Variants in PRCP observed in about 807,000 individuals in gnomAD.
PRCP encodes the protein prolylcarboxypeptidase, also known as lysosomal Pro-X carboxypeptidase.
Under a neutral mutation model 54.2 loss-of-function variants are expected in PRCP, and 46 were observed. The observed-to-expected ratio is 0.85, with a 90% CI of 0.67 to 1.09. The LOEUF is 1.09. Ranked by LOEUF, PRCP falls within the 50% of genes least tolerant of loss-of-function variation. PRCP has a pLI of 0.00. For synonymous variants in PRCP, 240 were observed against 212.2 expected (o/e 1.13, Z -1.14); for missense variants, 613 against 596.8 (o/e 1.03, Z -0.28).
chr11:82,878,956 A>T (rs75877398), intron 1 of PRCP, among the ~76,000 whole-genome samples: 349 of 152,166 alleles, frequency 2.3e-3, no homozygotes, highest in African/African-American at 8.0e-3. Flanking sequence ...CTCTCCGGCT[A>T]CCCTTAATAT....
At chr11:82,895,292 AC>A (rs1860093174) in intron 1 of PRCP, among the ~76,000 whole-genome samples, 1 of 151,990 alleles carries the variant, frequency 6.6e-6, no homozygotes, top group African/African-American at 2.4e-5. Context: ...TTGCTCTCAA[AC>A]CTGTTTGCCT....
chr11:82,858,946 G>A (rs1375345311), intron 2 of PRCP, among the ~76,000 whole-genome samples: 1 of 152,164 alleles, frequency 6.6e-6, no homozygotes, highest in Non-Finnish European at 1.5e-5. Context: ...TCAGAAATGA[G>A]AAATGCAATA....
chr11:82,843,106 G>A (rs78894358), intron 6 of PRCP: 22,200 of 152,270 alleles, frequency 0.15, 1,702 homozygotes, highest in Middle Eastern at 0.2. Context: ...GGCCAGGAGT[G>A]CAAGACCAGC....
At chr11:82,856,705 C>T (rs1859091272) in intron 2 of PRCP, among the ~76,000 whole-genome samples, 1 of 151,120 alleles carries the variant, frequency 6.6e-6, no homozygotes, top group African/African-American at 2.4e-5. Context: ...GAAAAAAAAA[C>T]ACGATGGAGA....
intron 1 of PRCP, among the ~76,000 whole-genome samples, chr11:82,894,533 A>G (rs944165359): frequency 1.3e-5 from 2 of 152,222 alleles, no homozygotes; most frequent in African/African-American, 4.8e-5. Flanking sequence ...CAATCCATTT[A>G]TCTTACAAAT....
At chr11:82,852,545 G>A (rs7107261) in intron 3 of PRCP, among the ~76,000 whole-genome samples, 10 of 152,238 alleles carry the variant, frequency 6.6e-5, no homozygotes, top group Non-Finnish European at 1.2e-4. Flanking sequence ...GCTGATTAAA[G>A]AAAAATATTA....
intron 2 of PRCP, among the ~76,000 whole-genome samples, chr11:82,855,751 G>C (rs1487062493): frequency 6.6e-6 from 1 of 152,062 alleles, no homozygotes. Context: ...CATGAACAAA[G>C]GCTCAACATC....
At chr11:82,848,960 G>A in intron 6 of PRCP, 89 bp downstream of exon 6, 1 of 1,335,012 alleles carries the variant, frequency 7.5e-7, no homozygotes, top group African/African-American at 1.5e-5. Flanking sequence ...CTTTGTCACT[G>A]GGACTTTCTC....
intron 2 of PRCP, among the ~76,000 whole-genome samples, chr11:82,857,602 G>C (rs1339065280): frequency 6.6e-6 from 1 of 152,190 alleles, no homozygotes; most frequent in Non-Finnish European, 1.5e-5. Flanking sequence ...ATTAGATTTA[G>C]ATTTAGCACA....
intron 1 of PRCP, among the ~76,000 whole-genome samples, chr11:82,868,775 C>G (rs1859402226): frequency 6.6e-6 from 1 of 152,168 alleles, no homozygotes; most frequent in African/African-American, 2.4e-5. Flanking sequence ...TGGCTCACAC[C>G]TTTAATCCCA....
chr11:82,875,585 A>AC (rs1859583783), intron 1 of PRCP, among the ~76,000 whole-genome samples: 1 of 152,198 alleles, frequency 6.6e-6, no homozygotes, highest in South Asian at 2.1e-4. Flanking sequence ...TTTCCTGAGT[A>AC]CTTACTCTGT....
At chr11:82,887,415 T>C (rs1341755904) in intron 1 of PRCP, among the ~76,000 whole-genome samples, 1 of 152,216 alleles carries the variant, frequency 6.6e-6, no homozygotes, top group East Asian at 1.9e-4. Context: ...TGTATGACTG[T>C]GCTGTTTTAC....
At chr11:82,835,848 T>A (rs1015655318) in intron 8 of PRCP, 1 of 499,554 alleles carries the variant, frequency 2.0e-6, no homozygotes, top group South Asian at 1.5e-5. Flanking sequence ...GACATTATGC[T>A]TGGCAATAAA....
chr11:82,896,198 GACA>G (rs760969398), intron 1 of PRCP, among the ~76,000 whole-genome samples: 10 of 152,170 alleles, frequency 6.6e-5, no homozygotes, highest in Non-Finnish European at 1.0e-4. Context: ...ACTGAACTCT[GACA>G]ACAACCTTGG....
In PRCP at chr11:82,850,306, C is replaced by T; in HGVS notation, c.593+18G>A. Reference sequence around the variant, plus strand: ...ATAATCATTAAGAAACGTTCATGTCCAGTACAAATGCACTTACCCAACTAC... The same window carrying T: ...ATAATCATTAAGAAACGTTCATGTCTAGTACAAATGCACTTACCCAACTAC... On this transcript the variant is annotated intron_variant, in intron 4 of 8. Coordinates refer to ENST00000313010, the MANE Select transcript of PRCP (RefSeq NM_005040.4). The T allele has an allele frequency of 6.9e-7, 1 of 1,459,464 alleles. No individual in the cohort carries two copies. Among genetic ancestry groups the T allele is most frequent in the Non-Finnish European group, 9.1e-7 (1 of 1,097,946 alleles). 90.4% of individuals were successfully genotyped at this position (1,459,464 alleles called of 1,614,324 possible).
At chr11:82,856,176 A>G (rs1234762407) in intron 2 of PRCP, among the ~76,000 whole-genome samples, 1 of 152,162 alleles carries the variant, frequency 6.6e-6, no homozygotes, top group Non-Finnish European at 1.5e-5. Context: ...ATAAAAATTT[A>G]AAATAAAAAT....
At chr11:82,874,212 C>T (rs1164464011) in intron 1 of PRCP, among the ~76,000 whole-genome samples, 1 of 152,236 alleles carries the variant, frequency 6.6e-6, no homozygotes, top group Non-Finnish European at 1.5e-5. Context: ...TAATCAACAA[C>T]TTCCCAGAGT....
At chr11:82,870,231 C>T (rs1173079226) in intron 1 of PRCP, among the ~76,000 whole-genome samples, 2 of 152,160 alleles carry the variant, frequency 1.3e-5, no homozygotes, top group Non-Finnish European at 2.9e-5. Context: ...TTGGTGAATC[C>T]ACATGTGCTG....
chr11:82,894,565 G>T (rs575614446), intron 1 of PRCP, among the ~76,000 whole-genome samples: 6 of 152,354 alleles, frequency 3.9e-5, no homozygotes, highest in African/African-American at 1.4e-4. Context: ...GATCTAGAGG[G>T]TTAGGCAACT....
Sources: allele counts gnomAD v4.1 joint callset (sites outside exome capture counted in the v4.1 genomes callset), GRCh38; gene constraint gnomAD v4.1.1; transcripts MANE v1.5; gene names NCBI Gene and HGNC (gene_info 2026-07-23, HGNC 2026-07-21).